The following AGAP3 variants were observed in gnomAD, a reference collection of about 807,000 sequenced individuals.
The protein encoded by AGAP3 is arf-GAP with GTPase, ANK repeat and PH domain-containing protein 3.
AGAP3 carries 24 observed loss-of-function variants against 96.9 expected under a neutral mutation model. That is an observed-to-expected ratio of 0.25 (90% CI 0.18 to 0.35). The LOEUF is 0.35. Ranked by LOEUF, AGAP3 falls within the 10% of genes least tolerant of loss-of-function variation. The pLI, the probability that AGAP3 is intolerant of heterozygous loss-of-function variation, is 1.00. For synonymous variants in AGAP3, 563 were observed against 536.1 expected, an observed-to-expected ratio of 1.05 and a Z score of -0.69; for missense variants, 876 against 1,254.2, an observed-to-expected ratio of 0.70 and a Z score of 4.55.
chr7:151,135,225 G>C (rs1390263387), intron 11 of AGAP3, among the ~76,000 whole-genome samples: 2 of 152,184 alleles, frequency 1.3e-5, no homozygotes, highest in Non-Finnish European at 2.9e-5. Context: ...CTCGCTTCCA[G>C]AGCCCCTGGC....
Position 151,106,941 on chromosome 7 carries a change from T to C in AGAP3, c.332-9852T>C, listed in dbSNP as rs544014767. ...TGCACCTGCACTTTCAGCAGCTGTTTTCCACACTTCCTCCACATCAGTCCT... is the reference window on the plus strand; with the variant it reads ...TGCACCTGCACTTTCAGCAGCTGTTCTCCACACTTCCTCCACATCAGTCCT... On this transcript the variant is annotated intron_variant, in intron 1 of 17. Transcript: ENST00000397238. Among the ~76,000 whole-genome samples the C allele has an allele frequency of 4.0e-4, 61 of 152,338 alleles. 1 individual carries two copies. Among genetic ancestry groups the C allele is most frequent in the African/African-American group, 1.4e-3 (57 of 41,582 alleles).
chr7:151,134,964 G>A (rs562077271), intron 11 of AGAP3, among the ~76,000 whole-genome samples: 1 of 152,296 alleles, frequency 6.6e-6, no homozygotes, highest in East Asian at 1.9e-4. Context: ...GCTGTCTGAG[G>A]TCAACCTGGT....
intron 2 of AGAP3, 88 bp from the exon 3 acceptor site, chr7:151,117,007 C>T (rs923047252): frequency 6.7e-7 from 1 of 1,495,790 alleles, no homozygotes; most frequent in Non-Finnish European, 9.3e-7. Flanking sequence ...TGGCCTTTCT[C>T]CCTCCTGCTG....
chr7:151,116,109 C>T (rs893981556), intron 1 of AGAP3, among the ~76,000 whole-genome samples: 1 of 152,104 alleles, frequency 6.6e-6, no homozygotes, highest in Non-Finnish European at 1.5e-5. Flanking sequence ...CTGGAGGTGA[C>T]GGAGATGGGG....
intron 8 of AGAP3, chr7:151,123,564 A>C: frequency 1.5e-6 from 2 of 1,343,060 alleles, no homozygotes; most frequent in South Asian, 1.8e-5. Context: ...GCTCTTTTGT[A>C]AGGGGCGGGC....
Position 151,118,287 on chromosome 7 carries a change from A to G in AGAP3, c.784A>G (p.Thr262Ala). 5 of 1,613,732 alleles carry G rather than the reference A, an allele frequency of 3.1e-6. No individual in the cohort carries two copies. Among genetic ancestry groups the G allele is most frequent in the Non-Finnish European group, 4.2e-6 (5 of 1,179,658 alleles). The stretch of plus-strand genomic sequence containing the variant: ...GCTCTCCACAGATCTGAAGCGGTGC[A>G]CCTACTATGAGACGTGCGCGACCTA... ...RKLSTDLKRCTYYETCATYGL... is the reference protein window; with the variant it reads ...RKLSTDLKRCAYYETCATYGL... Residue 262 changes from threonine (T) to alanine (A), a missense_variant, in exon 6 of 18, where the codon ACC (threonine) becomes GCC (alanine). Thr to Ala is a moderately conservative substitution (Grantham distance 58). This residue lies in a region of AGAP3 where 131 missense variants were observed against 304.5 expected (regional missense o/e 0.43). Transcript: ENST00000397238. This position sits in a 1 kb window ranked among gnomAD's most constrained non-coding sequence, Gnocchi z 6.1.
intron 8 of AGAP3, chr7:151,123,021 GAGA>G: frequency 8.0e-6 from 11 of 1,381,184 alleles, no homozygotes; most frequent in South Asian, 1.6e-5. Flanking sequence ...TCGCTGCATG[GAGA>G]AGAAGGCAGC....
chr7:151,129,778 A>G (rs1233310867), intron 10 of AGAP3, among the ~76,000 whole-genome samples: 2 of 151,864 alleles, frequency 1.3e-5, no homozygotes, highest in Admixed American at 1.3e-4. Flanking sequence ...CCTGCTGGGA[A>G]GAGCGCCTAC....
Position 151,144,120 on chromosome 7 carries a change from C to T in AGAP3, c.*177C>T. ...CAAGGAGAGTTGGGGATTTGAGCTG[C>T]AGCAGAGAGGGATGAGGGATTTAGC... On this transcript the variant is annotated 3_prime_UTR_variant, in exon 18 of 18. Coordinates refer to ENST00000397238, the MANE Select transcript of AGAP3 (RefSeq NM_031946.7). 1.4e-6 allele frequency: 1 copy of T among 700,322 alleles called. No homozygotes were observed. Among genetic ancestry groups the T allele is most frequent in the South Asian group, 1.9e-5 (1 of 52,544 alleles). 43.4% of individuals were successfully genotyped at this position (700,322 alleles called of 1,614,324 possible).
In AGAP3 at chr7:151,128,631, A is replaced by T; in HGVS notation, c.1273A>T (p.Lys425Ter). 2.5e-6 allele frequency: 4 copies of T among 1,613,750 alleles called. No homozygotes were observed. Among genetic ancestry groups the T allele is most frequent in the Non-Finnish European group, 3.4e-6 (4 of 1,179,918 alleles). ...GTCCCTGAACAAGGAGTGGAAGAAGAAGTATGTGACGCTCTGTGACAACGG... is the reference window on the plus strand; with the variant it reads ...GTCCCTGAACAAGGAGTGGAAGAAGTAGTATGTGACGCTCTGTGACAACGG... ...GKSLNKEWKK[K>*]YVTLCDNGLL... Residue 425 changes from lysine (K) to a stop codon, truncating the protein, a stop_gained, in exon 10 of 18, where the codon AAG (lysine) becomes TAG (stop). Transcript: ENST00000397238. LOFTEE classifies it high-confidence loss of function.
In AGAP3 at chr7:151,142,784, C is replaced by T; in HGVS notation, c.2273+150C>T. 1 of 821,532 alleles carries T rather than the reference C, an allele frequency of 1.2e-6. No homozygotes were observed. The highest frequency in any genetic ancestry group is 1.7e-5 in the African/African-American group (1 of 58,332). 50.9% of individuals were successfully genotyped at this position (821,532 alleles called of 1,614,324 possible). On this transcript the variant is annotated intron_variant, in intron 16 of 17. Coordinates refer to ENST00000397238, the MANE Select transcript of AGAP3 (RefSeq NM_031946.7). The surrounding 1 kb of genome is among the most constrained non-coding windows in gnomAD (Gnocchi z 7.5). ...CAGTTGGCCCCTTGGGGGTGCCCCT[C>T]CTGCTCTGGTGCCTGTCACTCAGGC...
intron 1 of AGAP3, 80 bp downstream of exon 1, chr7:151,087,152 G>A: frequency 6.9e-7 from 1 of 1,441,466 alleles, no homozygotes; most frequent in Non-Finnish European, 9.5e-7. Flanking sequence ...GGCCGTGCCT[G>A]GCCATGCTCT....
At chr7:151,137,825 C>T (rs1241580558) in intron 11 of AGAP3, 14 of 396,690 alleles carry the variant, frequency 3.5e-5, no homozygotes, top group East Asian at 9.1e-5. Context: ...AGGAGCACTG[C>T]GGCGATGGGT....
At chr7:151,093,069 G>A (rs1798461369) in intron 1 of AGAP3, among the ~76,000 whole-genome samples, 2 of 152,206 alleles carry the variant, frequency 1.3e-5, no homozygotes, top group African/African-American at 4.8e-5. Flanking sequence ...TAGCACGGAT[G>A]TAGCGTACAA....
chr7:151,102,269 T>C (rs1798861056), intron 1 of AGAP3, among the ~76,000 whole-genome samples: 1 of 152,218 alleles, frequency 6.6e-6, no homozygotes, highest in South Asian at 2.1e-4. Context: ...CAGTAGGTAC[T>C]GCTAGACATG....
intron 1 of AGAP3, among the ~76,000 whole-genome samples, chr7:151,113,902 T>C (rs1799411174): frequency 6.6e-6 from 1 of 152,170 alleles, no homozygotes; most frequent in Non-Finnish European, 1.5e-5. Flanking sequence ...AACGTCAGGC[T>C]GGAGCCAGTA....
chr7:151,104,940 T>G (rs1469850023), intron 1 of AGAP3, among the ~76,000 whole-genome samples: 2 of 152,202 alleles, frequency 1.3e-5, no homozygotes, highest in African/African-American at 4.8e-5. Context: ...CCCAGTGGCC[T>G]GGGGAGGGCC....
In AGAP3 at chr7:151,086,538, G is replaced by T. The variant is rs1798149831; in HGVS notation, c.-204G>T. 6.8e-6 allele frequency among the ~76,000 whole-genome samples: 1 copy of T among 147,684 alleles called. No homozygotes were observed. Among genetic ancestry groups the T allele is most frequent in the African/African-American group, 2.4e-5 (1 of 41,048 alleles). ...ACGGCGCTGGGAAGCGCTCGGCAGC[G>T]GCGGCCACAGCGTGCGCGGCGGCGC... is the stretch of plus-strand genomic sequence containing the variant. On this transcript the variant is annotated 5_prime_UTR_variant, in exon 1 of 18. Coordinates refer to ENST00000397238, the MANE Select transcript of AGAP3 (RefSeq NM_031946.7).
rs1181101539 is a variant in AGAP3, at chr7:151,140,234, A to G, written c.1804+118A>G. On this transcript the variant is annotated intron_variant, in intron 13 of 17. Transcript: ENST00000397238. The surrounding 1 kb of genome is among the most constrained non-coding windows in gnomAD (Gnocchi z 5.4). ...GTATTCAGTGGATTAAGCACTTTCT[A>G]GTAGTTGCTAATCAAAGTAGTTCTA... The G allele has an allele frequency of 8.5e-6, 10 of 1,181,496 alleles. No homozygotes were observed. The highest frequency in any genetic ancestry group is 2.6e-4 in the Middle Eastern group (1 of 3,828). 73.2% of individuals were successfully genotyped at this position (1,181,496 alleles called of 1,614,324 possible). A position where few individuals can be genotyped will look rare whatever the true frequency, so the allele number is the denominator to read the frequency against.
Sources: gnomAD v4.1 joint callset for allele counts (sites outside exome capture counted in the v4.1 genomes callset) on GRCh38, gnomAD v4.1.1 for gene constraint, gnomAD v4.1.1 regional missense constraint, Gnocchi (gnomAD v3.1) non-coding constraint, MANE v1.5 for transcripts, NCBI Gene and HGNC (gene_info 2026-07-23, HGNC 2026-07-21) for gene names.